The following MACROD2 variants were observed in gnomAD, a reference collection of about 807,000 sequenced individuals.
MACROD2 encodes the protein mono-ADP ribosylhydrolase 2.
A neutral mutation model predicts 70.4 loss-of-function variants in MACROD2; 36 were observed. That is an observed-to-expected ratio of 0.51 (90% CI 0.39 to 0.68). The LOEUF (loss-of-function observed/expected upper bound fraction) is 0.68. Ranked by LOEUF, MACROD2 falls within the 30% of genes least tolerant of loss-of-function variation. The pLI is 0.00. For missense variants in MACROD2, 496 were observed against 538.4 expected, an observed-to-expected ratio of 0.92 and a Z score of 0.78; for synonymous variants, 172 against 178.8, an observed-to-expected ratio of 0.96 and a Z score of 0.30.
At chr20:15,703,934 T>C (rs1311739309) in intron 8 of MACROD2, among the ~76,000 whole-genome samples, 1 of 152,212 alleles carries the variant, frequency 6.6e-6, no homozygotes, top group African/African-American at 2.4e-5. Flanking sequence ...TTTTAAGATA[T>C]AGCCCCAGAA....
At chr20:15,784,555 A>G (rs2051888476) in intron 8 of MACROD2, among the ~76,000 whole-genome samples, 1 of 152,144 alleles carries the variant, frequency 6.6e-6, no homozygotes, top group South Asian at 2.1e-4. Context: ...TTATTTTTAA[A>G]CTGACTTCTA....
intron 6 of MACROD2, among the ~76,000 whole-genome samples, chr20:15,390,968 C>T (rs2045784889): frequency 6.6e-6 from 1 of 152,170 alleles, no homozygotes; most frequent in South Asian, 2.1e-4. Flanking sequence ...ATGGAGATGA[C>T]ACCAGTGTCT....
chr20:14,655,995 C>T (rs139897779), intron 4 of MACROD2, among the ~76,000 whole-genome samples: 1 of 152,162 alleles, frequency 6.6e-6, no homozygotes, highest in South Asian at 2.1e-4. Flanking sequence ...TGTAGGGTCC[C>T]CTGCCGCCTT....
At chr20:15,609,256 G>C (rs1023488082) in intron 8 of MACROD2, among the ~76,000 whole-genome samples, 1 of 152,208 alleles carries the variant, frequency 6.6e-6, no homozygotes, top group African/African-American at 2.4e-5. Context: ...TAGGGAAGGT[G>C]AGAGAAGGAA....
rs578055150 is a variant in MACROD2 at position 14,562,701 on chromosome 20, A to G, written c.301+69193A>G. Among the ~76,000 whole-genome samples, 6 of 151,810 alleles carry G rather than the reference A, an allele frequency of 4.0e-5. No individual in the cohort carries two copies. In the South Asian group the frequency reaches 1.2e-3, roughly 31 times the overall value. On this transcript the variant is annotated intron_variant, in intron 4 of 17. Transcript: ENST00000684519. ...TTCAGTCAATCACCCTAGACCCTAA[A>G]TTGGTTAAATTTAAAAATGAATGGG... is the stretch of plus-strand genomic sequence containing the variant.
intron 8 of MACROD2, among the ~76,000 whole-genome samples, chr20:15,768,554 G>C (rs554243705): frequency 2.6e-5 from 4 of 152,126 alleles, no homozygotes; most frequent in Non-Finnish European, 4.4e-5. Flanking sequence ...AAACATTACC[G>C]CACACTGCTG....
intron 3 of MACROD2, among the ~76,000 whole-genome samples, chr20:14,472,096 T>A (rs1429708908): frequency 6.6e-6 from 1 of 152,134 alleles, no homozygotes; most frequent in East Asian, 1.9e-4. Flanking sequence ...AAATTTTAAG[T>A]TTCTGTTGAA....
intron 3 of MACROD2, among the ~76,000 whole-genome samples, chr20:14,433,280 G>A (rs973930829): frequency 2.0e-5 from 3 of 152,264 alleles, no homozygotes; most frequent in South Asian, 4.1e-4. Flanking sequence ...AAAGCCCCAG[G>A]TGACTGAAAC....
intron 3 of MACROD2, among the ~76,000 whole-genome samples, chr20:14,265,684 T>C (rs1380428864): frequency 1.3e-5 from 2 of 152,144 alleles, no homozygotes; most frequent in Admixed American, 1.3e-4. Context: ...GCCCCTACTA[T>C]ATCTCACATT....
intron 3 of MACROD2, among the ~76,000 whole-genome samples, chr20:14,246,009 T>C (rs1312386031): frequency 2.6e-5 from 4 of 152,256 alleles, no homozygotes; most frequent in East Asian, 1.9e-4. Context: ...TGGACAGTCA[T>C]GTTGGTATAG....
chr20:15,336,037 C>T (rs1347320531), intron 6 of MACROD2, among the ~76,000 whole-genome samples: 9 of 151,632 alleles, frequency 5.9e-5, no homozygotes, highest in Non-Finnish European at 1.2e-4. Context: ...ACCCTTTCAC[C>T]AATAGGGTTG....
intron 15 of MACROD2, among the ~76,000 whole-genome samples, chr20:15,997,243 G>T (rs2066644905): frequency 6.6e-6 from 1 of 152,102 alleles, no homozygotes; most frequent in African/African-American, 2.4e-5. Context: ...TGTGAAAAAT[G>T]CCCTTGAAAT....
intron 5 of MACROD2, among the ~76,000 whole-genome samples, chr20:14,928,110 T>C (rs1213791829): frequency 6.6e-6 from 1 of 152,232 alleles, no homozygotes; most frequent in African/African-American, 2.4e-5. Flanking sequence ...TACTAAACTC[T>C]GAACAGACAC....
intron 10 of MACROD2, among the ~76,000 whole-genome samples, chr20:15,888,921 G>T (rs1174539418): frequency 6.6e-6 from 1 of 152,064 alleles, no homozygotes; most frequent in East Asian, 1.9e-4. Context: ...GCCTCCCAAG[G>T]CCTTTAACTG....
At chr20:15,455,597 C>G (rs2046714107) in intron 7 of MACROD2, among the ~76,000 whole-genome samples, 1 of 152,098 alleles carries the variant, frequency 6.6e-6, no homozygotes, top group Non-Finnish European at 1.5e-5. Flanking sequence ...TTTAAATATT[C>G]TGCTTGTGAA....
chr20:14,884,418 T>C (rs1270803142), intron 5 of MACROD2: 1 of 152,330 alleles, frequency 6.6e-6, no homozygotes, highest in African/African-American at 2.4e-5. Context: ...TGGTGCTGGC[T>C]GTTTCCTGGG....
At chr20:14,489,735 T>C (rs896428533) in intron 3 of MACROD2, among the ~76,000 whole-genome samples, 11 of 152,164 alleles carry the variant, frequency 7.2e-5, no homozygotes, top group Non-Finnish European at 1.5e-4. Flanking sequence ...AAGACTGGTT[T>C]CCCAGACTCT....
At chr20:14,154,794 C>T (rs1459280790) in intron 3 of MACROD2, among the ~76,000 whole-genome samples, 1 of 152,126 alleles carries the variant, frequency 6.6e-6, no homozygotes, top group African/African-American at 2.4e-5. Context: ...GTGCCTGTAG[C>T]TGTTCATCTT....
At chr20:14,680,739 T>C (rs1210813412) in intron 4 of MACROD2, among the ~76,000 whole-genome samples, 1 of 152,054 alleles carries the variant, frequency 6.6e-6, no homozygotes, top group Non-Finnish European at 1.5e-5. Flanking sequence ...GATAATGGAA[T>C]TGGCACATAG....
Sources: allele counts gnomAD v4.1 joint callset (sites outside exome capture counted in the v4.1 genomes callset), GRCh38; gene constraint gnomAD v4.1.1; transcripts MANE v1.5; gene names NCBI Gene and HGNC (gene_info 2026-07-23, HGNC 2026-07-21).